CNTN1: variants seen among roughly 807,000 people sequenced by gnomAD.
CNTN1 encodes contactin-1.
Under a neutral mutation model 126.4 loss-of-function variants are expected in CNTN1, and 38 were observed. The observed-to-expected ratio is 0.30, with a 90% CI of 0.23 to 0.39. The LOEUF (loss-of-function observed/expected upper bound fraction) is 0.39, where lower values mean the gene tolerates loss of function less well. Among genes scored for constraint, CNTN1 ranks in the 10% least tolerant of loss-of-function variants. The pLI is 1.00. For synonymous variants in CNTN1, 413 were observed against 422.6 expected (o/e 0.98, Z 0.28); for missense variants, 1,009 against 1,248.4 (o/e 0.81, Z 2.89).
chr12:40,980,310 G>A (rs1168782900), intron 15 of CNTN1, among the ~76,000 whole-genome samples: 1 of 152,042 alleles, frequency 6.6e-6, no homozygotes, highest in African/African-American at 2.4e-5. Context: ...GTTGGGTGTT[G>A]TGGAGTGCTT....
At chr12:40,714,569 A>G (rs1238445393) in intron 1 of CNTN1, among the ~76,000 whole-genome samples, 1 of 152,124 alleles carries the variant, frequency 6.6e-6, no homozygotes. Flanking sequence ...TGACATGTTG[A>G]ATCAGCTTTC....
intron 1 of CNTN1, among the ~76,000 whole-genome samples, chr12:40,905,922 A>G (rs575504833): frequency 3.2e-4 from 48 of 152,356 alleles, no homozygotes; most frequent in African/African-American, 1.0e-3. Flanking sequence ...TGTCATGCAC[A>G]ATCAAAATAA....
At chr12:40,823,285 G>A (rs182327703) in intron 1 of CNTN1, among the ~76,000 whole-genome samples, 11 of 152,162 alleles carry the variant, frequency 7.2e-5, no homozygotes, top group Non-Finnish European at 4.4e-5. Context: ...AAAACATTCT[G>A]TTATGTCTGT....
chr12:40,747,401 G>A (rs1416116120), intron 1 of CNTN1, among the ~76,000 whole-genome samples: 1 of 151,522 alleles, frequency 6.6e-6, no homozygotes, highest in African/African-American at 2.4e-5. Flanking sequence ...AAAGACATGG[G>A]AGAAGAATTA....
chr12:40,874,275 T>A (rs1943597879), intron 1 of CNTN1, among the ~76,000 whole-genome samples: 3 of 152,036 alleles, frequency 2.0e-5, no homozygotes, highest in African/African-American at 7.2e-5. Context: ...ACCTAGTAAA[T>A]ACAAATACGT....
chr12:40,800,736 A>G (rs898147435), intron 1 of CNTN1, among the ~76,000 whole-genome samples: 49 of 152,180 alleles, frequency 3.2e-4, no homozygotes, highest in African/African-American at 1.1e-3. Context: ...CTTAACAACT[A>G]GAAAAATAGG....
chr12:41,062,536 G>A (rs1592483370), intron 23 of CNTN1, among the ~76,000 whole-genome samples: 1 of 152,158 alleles, frequency 6.6e-6, no homozygotes, highest in African/African-American at 2.4e-5. Flanking sequence ...AATGTGCAAG[G>A]AGAAAGAGAC....
At chr12:40,718,436 C>T (rs527943646) in intron 1 of CNTN1, among the ~76,000 whole-genome samples, 4 of 152,222 alleles carry the variant, frequency 2.6e-5, no homozygotes, top group Non-Finnish European at 5.9e-5. Flanking sequence ...GCCTGGGCCT[C>T]CCAAAGTGCT....
chr12:40,902,498 A>T (rs190636764), intron 1 of CNTN1, among the ~76,000 whole-genome samples: 165 of 152,316 alleles, frequency 1.1e-3, no homozygotes, highest in African/African-American at 3.8e-3. Context: ...ATATTTTTTT[A>T]AAAAATGAAC....
intron 16 of CNTN1, among the ~76,000 whole-genome samples, chr12:40,981,841 A>C (rs1853322003): frequency 6.6e-6 from 1 of 152,028 alleles, no homozygotes; most frequent in Non-Finnish European, 1.5e-5. Flanking sequence ...ATTCTTTAAG[A>C]TGGAAAAGAG....
At chr12:40,830,826 T>C (rs1451517558) in intron 1 of CNTN1, among the ~76,000 whole-genome samples, 2 of 118,146 alleles carry the variant, frequency 1.7e-5, no homozygotes, top group African/African-American at 6.4e-5. Flanking sequence ...TATATATATA[T>C]ATATATATAC....
chr12:40,961,033 G>T (rs751238908), intron 15 of CNTN1, among the ~76,000 whole-genome samples: 1 of 151,920 alleles, frequency 6.6e-6, no homozygotes, highest in Non-Finnish European at 1.5e-5. Context: ...AAATGCAAGG[G>T]TAGTCATGAT....
chr12:40,758,511 G>A (rs1938699881), intron 1 of CNTN1, among the ~76,000 whole-genome samples: 1 of 151,958 alleles, frequency 6.6e-6, no homozygotes, highest in African/African-American at 2.4e-5. Context: ...TAAAAATTGT[G>A]TCTTCTGTAG....
At chr12:40,984,989 T>C (rs780057894) in intron 16 of CNTN1, among the ~76,000 whole-genome samples, 35 of 152,050 alleles carry the variant, frequency 2.3e-4, no homozygotes, top group Non-Finnish European at 4.3e-4. Flanking sequence ...CCAATGCTCA[T>C]TATTTTGGGG....
rs545515867 is a variant in CNTN1 at position 40,754,477 on chromosome 12, C to CT, written c.-77+61893dup. ...GTTATACTGTATTTTTTTATTTGTACTTTTTTTTACTGTTGCATTGTTTTT... is the reference window on the plus strand; with the variant it reads ...GTTATACTGTATTTTTTTATTTGTACTTTTTTTTTACTGTTGCATTGTTTTT... On this transcript the variant is annotated intron_variant, in intron 1 of 23. Transcript: ENST00000551295. Among the ~76,000 whole-genome samples the CT allele has an allele frequency of 4.0e-3, 600 of 151,830 alleles. 2 individuals are homozygous for CT. The highest frequency in any genetic ancestry group is 0.014 in the Middle Eastern group (4 of 294).
chr12:40,969,009 T>C (rs1354369111), intron 15 of CNTN1, among the ~76,000 whole-genome samples: 2 of 152,176 alleles, frequency 1.3e-5, no homozygotes, highest in African/African-American at 4.8e-5. Flanking sequence ...CGTTTAAAAT[T>C]AGAATTTCAT....
At chr12:41,032,918 A>G (rs987367190) in intron 23 of CNTN1, among the ~76,000 whole-genome samples, 1 of 152,244 alleles carries the variant, frequency 6.6e-6, no homozygotes, top group Non-Finnish European at 1.5e-5. Context: ...TTTAAAAAAT[A>G]ACTGTTGAAT....
At chr12:41,068,933 GTCAGCTATGACTGAACCACTGCAC>G (rs1411342322) in intron 23 of CNTN1, among the ~76,000 whole-genome samples, 3 of 152,140 alleles carry the variant, frequency 2.0e-5, no homozygotes, top group Admixed American at 6.6e-5. Flanking sequence ...TGAGGCTGCA[GTCAGCTATGACTGAACCACTGCAC>G]TCCAGCCTGA....
At chr12:40,865,388 C>T (rs559049438) in intron 1 of CNTN1, among the ~76,000 whole-genome samples, 1 of 151,974 alleles carries the variant, frequency 6.6e-6, no homozygotes, top group Non-Finnish European at 1.5e-5. Flanking sequence ...GTTGCTGATG[C>T]TTTTTGTATC....
Sources: gnomAD v4.1 joint callset for allele counts (sites outside exome capture counted in the v4.1 genomes callset) on GRCh38, gnomAD v4.1.1 for gene constraint, MANE v1.5 for transcripts, NCBI Gene and HGNC (gene_info 2026-07-23, HGNC 2026-07-21) for gene names.